Variants in RASGRP3 observed in about 807,000 individuals in gnomAD.
RASGRP3 encodes the protein ras guanyl-releasing protein 3.
In RASGRP3, 54 loss-of-function variants were observed where a neutral mutation model predicts 82.7. That is an observed-to-expected ratio of 0.65 (90% CI 0.52 to 0.82). The LOEUF is 0.82. RASGRP3 is among the 40% of genes least tolerant of loss of function. The pLI, the probability that RASGRP3 is intolerant of heterozygous loss-of-function variation, is 0.00. For synonymous variants in RASGRP3, 309 were observed against 300.5 expected (o/e 1.03, Z -0.29); for missense variants, 861 against 828.9 (o/e 1.04, Z -0.48).
intron 1 of RASGRP3, among the ~76,000 whole-genome samples, chr2:33,479,403 G>A (rs1274243204): frequency 1.4e-5 from 2 of 142,242 alleles, no homozygotes; most frequent in Non-Finnish European, 3.3e-5. Flanking sequence ...TTCCTTTGGA[G>A]GACAGCCACT....
chr2:33,488,693 C>T (rs1378391609), intron 1 of RASGRP3, among the ~76,000 whole-genome samples: 1 of 152,122 alleles, frequency 6.6e-6, no homozygotes, highest in Non-Finnish European at 1.5e-5. Context: ...GTTAGTCAGG[C>T]GGGGAATACA....
In RASGRP3 at chr2:33,549,576, T is replaced by C. The variant is rs983867898; in HGVS notation, c.1395-28T>C. ...ACTTAGCAACCTGTTATTTAAAGATTCCCTCCCTTCTTTGATTCTCTTAAC... is the reference window on the plus strand; with the variant it reads ...ACTTAGCAACCTGTTATTTAAAGATCCCCTCCCTTCTTTGATTCTCTTAAC... On this transcript the variant is annotated intron_variant, in intron 13 of 17. Transcript: ENST00000403687. 3 of 1,596,340 alleles carry C rather than the reference T, an allele frequency of 1.9e-6. No individual in the cohort carries two copies. In the East Asian group the frequency reaches 6.7e-5, roughly 36 times the overall value.
chr2:33,482,499 A>C (rs1469268830), intron 1 of RASGRP3: 1 of 152,214 alleles, frequency 6.6e-6, no homozygotes, highest in East Asian at 1.9e-4. Context: ...CTTGCCCAAC[A>C]AAACCATCGG....
chr2:33,559,149 T>C, intron 17 of RASGRP3, 119 bp downstream of exon 17: 1 of 808,694 alleles, frequency 1.2e-6, no homozygotes, highest in Non-Finnish European at 1.9e-6. Context: ...TGGTTGGGAA[T>C]GAAGACATGT....
upstream of RASGRP3, among the ~76,000 whole-genome samples, chr2:33,471,758 T>G (rs535518707): frequency 3.9e-5 from 6 of 152,314 alleles, no homozygotes; most frequent in East Asian, 5.8e-4. Flanking sequence ...TGTTGTTTTT[T>G]GACTTCTTCC....
chr2:33,524,640 G>A, intron 9 of RASGRP3, 92 bp downstream of exon 9: 1 of 993,168 alleles, frequency 1.0e-6, no homozygotes, highest in Non-Finnish European at 1.5e-6. Context: ...ACTCAGAGTG[G>A]GAAAGTTTTC....
In RASGRP3 at chr2:33,457,227, T is replaced by G. The variant is rs547607116; in HGVS notation, c.-261+9284T>G. 2.6e-5 allele frequency among the ~76,000 whole-genome samples: 4 copies of G among 152,272 alleles called. No homozygotes were observed. In the South Asian group the frequency reaches 8.3e-4, roughly 32 times the overall value. On this transcript the variant is annotated intron_variant, in intron 2 of 18. Coordinates refer to the RASGRP3 transcript ENST00000402538. ...CATTGTTTTCTTCATTGTTTTAAAT[T>G]TTTAATTATAGACATAATCCAAGTT...
chr2:33,519,404 C>T (rs1418219586), intron 4 of RASGRP3, among the ~76,000 whole-genome samples: 3 of 152,148 alleles, frequency 2.0e-5, no homozygotes, highest in Non-Finnish European at 4.4e-5. Context: ...ATCACAAGGT[C>T]AGGAGATCAA....
chr2:33,496,938 T>A (rs957401361), intron 1 of RASGRP3, among the ~76,000 whole-genome samples: 1 of 152,186 alleles, frequency 6.6e-6, no homozygotes, highest in Admixed American at 6.5e-5. Context: ...AGCAATACGT[T>A]TTGGGTCTTG....
At chr2:33,520,098 AG>A (rs1256668138) in intron 5 of RASGRP3, 84 bp downstream of exon 5, 2 of 1,164,792 alleles carry the variant, frequency 1.7e-6, no homozygotes, top group African/African-American at 3.1e-5. Flanking sequence ...CTGCAGACCT[AG>A]TTTGACAACA....
chr2:33,504,458 C>T (rs368046657), intron 1 of RASGRP3, among the ~76,000 whole-genome samples: 5 of 152,234 alleles, frequency 3.3e-5, no homozygotes, highest in African/African-American at 1.2e-4. Flanking sequence ...AAACATTGTG[C>T]TTAATGCTAA....
At chr2:33,487,178 T>C (rs912345482) in intron 1 of RASGRP3, among the ~76,000 whole-genome samples, 1 of 152,202 alleles carries the variant, frequency 6.6e-6, no homozygotes, top group Admixed American at 6.5e-5. Context: ...CTTAAAAAGT[T>C]CACAACGTCA....
At chr2:33,557,598 T>A (rs1676136722) in intron 15 of RASGRP3, among the ~76,000 whole-genome samples, 1 of 151,766 alleles carries the variant, frequency 6.6e-6, no homozygotes, top group Admixed American at 6.6e-5. Context: ...TAGTCCCAGC[T>A]ACTCGGGAGG....
chr2:33,562,734 C>G lies in RASGRP3; in HGVS notation c.2070C>G (p.Gly690=), dbSNP rs745583571. 3.1e-6 allele frequency: 5 copies of G among 1,613,612 alleles called. No homozygotes were observed. Among genetic ancestry groups the G allele is most frequent in the Non-Finnish European group, 4.2e-6 (5 of 1,179,552 alleles). Residue 690 remains glycine, a synonymous_variant, in exon 18 of 18, where the codon GGC becomes GGG. Transcript: ENST00000403687. ...GEETRQDGED[G] ...GGTTCCAATTTGTGTTTCAGGATGGCTGACTTCAGGCTGCGGAAACTGAAG... is the reference window on the plus strand; with the variant it reads ...GGTTCCAATTTGTGTTTCAGGATGGGTGACTTCAGGCTGCGGAAACTGAAG...
At chr2:33,495,036 G>A (rs919548788) in intron 1 of RASGRP3, among the ~76,000 whole-genome samples, 1 of 152,224 alleles carries the variant, frequency 6.6e-6, no homozygotes, top group Non-Finnish European at 1.5e-5. Context: ...GCTTAAGTAA[G>A]CATAGTAACT....
intron 1 of RASGRP3, among the ~76,000 whole-genome samples, chr2:33,444,977 GAAAT>G (rs1558391414): frequency 1.3e-5 from 2 of 152,120 alleles, no homozygotes. Context: ...TTAGTACAAA[GAAAT>G]AAATCTTTAG....
chr2:33,521,426 C>T (rs1310931401), intron 6 of RASGRP3, among the ~76,000 whole-genome samples: 1 of 152,138 alleles, frequency 6.6e-6, no homozygotes, highest in Non-Finnish European at 1.5e-5. Flanking sequence ...TTGAATACTT[C>T]TTCAATAGTA....
At chr2:33,494,920 C>T (rs1461688503) in intron 1 of RASGRP3, among the ~76,000 whole-genome samples, 1 of 152,236 alleles carries the variant, frequency 6.6e-6, no homozygotes, top group Non-Finnish European at 1.5e-5. Context: ...ACTAACCAAG[C>T]TTGACAAATG....
rs779167087 is a variant in RASGRP3, at chr2:33,549,681, C to G, written c.1472C>G (p.Pro491Arg). The G allele has an allele frequency of 1.7e-5, 27 of 1,613,634 alleles. No homozygotes were observed. The Admixed American group carries it at 3.8e-4, about 23-fold the overall frequency. Reference protein sequence around the residue: ...AKSQLHCKMGPGFIHNFQEMT... With the variant: ...AKSQLHCKMGRGFIHNFQEMT... The stretch of plus-strand genomic sequence containing the variant: ...TCCCAACTACACTGTAAAATGGGAC[C>G]AGGATTTATCCATAATTTTCAGGAG... The change falls in exon 14 of 18, where the codon CCA becomes CGA. Residue 491 changes from proline (P) to arginine (R), a missense_variant. Coordinates refer to ENST00000403687, the MANE Select transcript of RASGRP3 (RefSeq NM_001139488.2).
Sources: gnomAD v4.1 joint callset for allele counts (sites outside exome capture counted in the v4.1 genomes callset) on GRCh38, gnomAD v4.1.1 for gene constraint, MANE v1.5 for transcripts, NCBI Gene and HGNC (gene_info 2026-07-23, HGNC 2026-07-21) for gene names.